The following MECOM variants were observed in gnomAD, a reference collection of about 807,000 sequenced individuals.
The protein encoded by MECOM is MDS1 and EVI1 complex locus.
Under a neutral mutation model 116.3 loss-of-function variants are expected in MECOM, and 13 were observed. The ratio of observed to expected loss-of-function variants is 0.11; its 90% CI spans 0.07 to 0.18. The LOEUF (loss-of-function observed/expected upper bound fraction) is 0.18, where lower values mean the gene tolerates loss of function less well. MECOM is among the 10% of genes least tolerant of loss of function. MECOM has a pLI of 1.00. For missense variants in MECOM, 1,299 were observed against 1,509.0 expected (o/e 0.86, Z 2.31); for synonymous variants, 528 against 535.2 (o/e 0.99, Z 0.19).
intron 2 of MECOM, among the ~76,000 whole-genome samples, chr3:169,344,686 C>T (rs1725060091): frequency 2.6e-5 from 4 of 152,178 alleles, no homozygotes. Context: ...ATGATCCACT[C>T]AGCATAATCT....
At chr3:169,198,578 T>C (rs1209077324) in intron 2 of MECOM, among the ~76,000 whole-genome samples, 4 of 152,084 alleles carry the variant, frequency 2.6e-5, no homozygotes, top group East Asian at 1.9e-4. Context: ...TCTCTTCTTT[T>C]ATTTAATTTC....
At chr3:169,627,529 T>C (rs916728151) in intron 1 of MECOM, among the ~76,000 whole-genome samples, 4 of 152,232 alleles carry the variant, frequency 2.6e-5, no homozygotes, top group African/African-American at 7.2e-5. Context: ...GAGATGAACA[T>C]GTTACTTTTG....
In MECOM at chr3:169,515,147, C is replaced by T. The variant is rs536063775; in HGVS notation, c.38-133623G>A. The stretch of plus-strand genomic sequence containing the variant: ...AGCCTCACCTTTCATTTCGCCACAG[C>T]ACAGCAGCAGCTCTCCTGTGGTCCT... On this transcript the variant is annotated intron_variant, in intron 1 of 16. Coordinates refer to ENST00000651503, the MANE Select transcript of MECOM (RefSeq NM_004991.4). Among the ~76,000 whole-genome samples the T allele has an allele frequency of 1.4e-4, 22 of 152,256 alleles. No individual in the cohort carries two copies. The South Asian group carries it at 4.2e-3, about 29-fold the overall frequency.
intron 1 of MECOM, among the ~76,000 whole-genome samples, chr3:169,534,087 G>A (rs1216551589): frequency 6.6e-6 from 1 of 152,094 alleles, no homozygotes. Context: ...TGCTTCCACT[G>A]TTTTTTTGCC....
chr3:169,143,780 T>G lies in MECOM; in HGVS notation c.428A>C (p.Asp143Ala). Residue 143 changes from aspartate (D) to alanine (A), a missense_variant, in exon 3 of 17, where the codon GAT (aspartate) becomes GCT (alanine). Physicochemically the swap from Asp to Ala is moderately radical, Grantham distance 126. Around this residue, in one of 6 missense-constraint regions of MECOM, gnomAD observed 374 missense variants for 433.4 expected, o/e 0.86. Transcript: ENST00000651503. Reference protein sequence around the residue: ...VKFCIDASQPDVGSWLKYIRF... With the variant: ...VKFCIDASQPAVGSWLKYIRF... The stretch of plus-strand genomic sequence containing the variant: ...AATGTACTTGAGCCAGCTTCCAACA[T>G]CTGGTTGACTGGCATCTATGCAGAA... The G allele has an allele frequency of 6.2e-7, 1 of 1,611,950 alleles. No individual in the cohort carries two copies. The highest frequency in any genetic ancestry group is 8.5e-7 in the Non-Finnish European group (1 of 1,178,964).
chr3:169,524,458 G>A (rs1343036), intron 1 of MECOM, among the ~76,000 whole-genome samples: 32,409 of 152,106 alleles, frequency 0.21, 4,226 homozygotes, highest in Non-Finnish European at 0.29. Flanking sequence ...AATACCTGGT[G>A]CAAGCATGGA....
In MECOM at chr3:169,084,806, G is replaced by C; in HGVS notation, c.*103C>G. ...CACTAGACTTTAGATGAGTGACCCT[G>C]CAGGTTTATAAGGCATTCTGCTCAG... is the stretch of plus-strand genomic sequence containing the variant. On this transcript the variant is annotated 3_prime_UTR_variant, in exon 17 of 17. Transcript: ENST00000651503. 1.6e-6 allele frequency: 2 copies of C among 1,285,906 alleles called. No homozygotes were observed. The highest frequency in any genetic ancestry group is 2.2e-4 in the Middle Eastern group (1 of 4,604). The allele number at this position is 1,285,906 out of a possible 1,614,324, so 79.7% of individuals were successfully genotyped here.
In MECOM at chr3:169,663,474, GTCTCTC is replaced by G. The variant is rs71166260; in HGVS notation, c.-108_-103del. 30,391 of 563,508 alleles carry G rather than the reference GTCTCTC, an allele frequency of 0.054. 439 individuals carry two copies. The highest frequency in any genetic ancestry group is 0.091 in the East Asian group (2,110 of 23,070). The allele number at this position is 563,508 out of a possible 1,614,324, so 34.9% of individuals were successfully genotyped here. ...CTCTCGCTCCCTCCCTCTCTCTCCT[GTCTCTC>G]TCTCTCTCTCTCTCTCTCTCTCTCT... On this transcript the variant is annotated 5_prime_UTR_variant, in exon 1 of 17. Coordinates refer to ENST00000651503, the MANE Select transcript of MECOM (RefSeq NM_004991.4).
At chr3:169,405,463 C>T (rs1001498982) in intron 1 of MECOM, among the ~76,000 whole-genome samples, 20 of 152,122 alleles carry the variant, frequency 1.3e-4, no homozygotes, top group African/African-American at 3.9e-4. Context: ...TCAGTGTCCT[C>T]GACTTACTGA....
chr3:169,362,534 T>A (rs1205615614), intron 2 of MECOM, among the ~76,000 whole-genome samples: 2 of 151,662 alleles, frequency 1.3e-5, no homozygotes, highest in Non-Finnish European at 2.9e-5. Context: ...CTATGCCACA[T>A]GAATGGCCAG....
At chr3:169,292,223 A>G (rs1560096079) in intron 2 of MECOM, among the ~76,000 whole-genome samples, 1 of 152,014 alleles carries the variant, frequency 6.6e-6, no homozygotes, top group Non-Finnish European at 1.5e-5. Flanking sequence ...TGCATCTGTA[A>G]TCCCAGCTAC....
At chr3:169,638,665 A>G (rs1039511595) in intron 1 of MECOM, among the ~76,000 whole-genome samples, 2 of 152,210 alleles carry the variant, frequency 1.3e-5, no homozygotes, top group Non-Finnish European at 2.9e-5. Context: ...CCTGCCTGAC[A>G]TTAAGACCTG....
intron 2 of MECOM, among the ~76,000 whole-genome samples, chr3:169,282,142 T>C (rs1282914566): frequency 6.6e-6 from 1 of 152,198 alleles, no homozygotes; most frequent in African/African-American, 2.4e-5. Context: ...TTCCAGCACT[T>C]AATTAGGTTC....
At chr3:169,607,555 G>A (rs549341289) in intron 1 of MECOM, among the ~76,000 whole-genome samples, 7 of 152,322 alleles carry the variant, frequency 4.6e-5, no homozygotes, top group South Asian at 2.1e-4. Context: ...ACCACAAATC[G>A]TATTGGTAAG....
At chr3:169,198,355 A>AG (rs1293461172) in intron 2 of MECOM, among the ~76,000 whole-genome samples, 2 of 152,070 alleles carry the variant, frequency 1.3e-5, no homozygotes, top group African/African-American at 4.8e-5. Context: ...GAAAAGAAAA[A>AG]GTCAGGAATA....
chr3:169,567,817 G>T (rs1202632151), intron 1 of MECOM, among the ~76,000 whole-genome samples: 1 of 152,158 alleles, frequency 6.6e-6, no homozygotes, highest in Non-Finnish European at 1.5e-5. Flanking sequence ...GAAAATATCT[G>T]TACTCAGAGG....
chr3:169,654,460 A>G (rs1457591771), intron 1 of MECOM, among the ~76,000 whole-genome samples: 1 of 152,186 alleles, frequency 6.6e-6, no homozygotes, highest in African/African-American at 2.4e-5. Context: ...ACAGATGTAC[A>G]GGACATTACA....
intron 1 of MECOM, among the ~76,000 whole-genome samples, chr3:169,619,683 C>G (rs1410140129): frequency 1.3e-5 from 2 of 152,194 alleles, no homozygotes; most frequent in Non-Finnish European, 2.9e-5. Context: ...GTGTCTCCTC[C>G]ACCCCCAGGG....
rs894471877 is a variant in MECOM, at chr3:169,158,094, G to A, written c.376-14262C>T. Among the ~76,000 whole-genome samples, 9 of 152,186 alleles carry A rather than the reference G, an allele frequency of 5.9e-5. No individual in the cohort carries two copies. In the South Asian group the frequency reaches 1.2e-3, roughly 21 times the overall value. ...CCACATCCATTCTACAAGAGCTGGC[G>A]AGGTTCAAAATTTCTCAAAAAAAGT... On this transcript the variant is annotated intron_variant, in intron 2 of 16. Coordinates refer to ENST00000651503, the MANE Select transcript of MECOM (RefSeq NM_004991.4).
Sources: allele counts gnomAD v4.1 joint callset (sites outside exome capture counted in the v4.1 genomes callset), GRCh38; gene constraint gnomAD v4.1.1; regional missense constraint gnomAD v4.1.1; transcripts MANE v1.5; gene names NCBI Gene and HGNC (gene_info 2026-07-23, HGNC 2026-07-21).